Variants in KIF16B observed in about 807,000 individuals in gnomAD.
KIF16B encodes the protein kinesin family member 16B.
Under a neutral mutation model 156.3 loss-of-function variants are expected in KIF16B, and 98 were observed. That is an observed-to-expected ratio of 0.63 (90% confidence interval 0.53 to 0.74). KIF16B has a LOEUF of 0.74. KIF16B is among the 30% of genes least tolerant of loss of function. The pLI, the probability that KIF16B is intolerant of heterozygous loss-of-function variation, is 0.00. For missense variants in KIF16B, 1,421 were observed against 1,606.5 expected (o/e 0.88, Z 1.97); for synonymous variants, 564 against 583.7 (o/e 0.97, Z 0.49).
At chr20:16,381,345 T>A (rs2065088781) in intron 18 of KIF16B, among the ~76,000 whole-genome samples, 1 of 152,166 alleles carries the variant, frequency 6.6e-6, no homozygotes, top group African/African-American at 2.4e-5. Flanking sequence ...TCAGGCTTTT[T>A]AAAAACTCAG....
At chr20:16,371,228 A>G (rs999208787) in intron 21 of KIF16B, among the ~76,000 whole-genome samples, 1 of 152,148 alleles carries the variant, frequency 6.6e-6, no homozygotes, top group Non-Finnish European at 1.5e-5. Flanking sequence ...CCACATCTGA[A>G]TTTTCTCACT....
intron 3 of KIF16B, among the ~76,000 whole-genome samples, chr20:16,520,605 C>G (rs910646225): frequency 1.3e-5 from 2 of 152,208 alleles, no homozygotes; most frequent in African/African-American, 4.8e-5. Context: ...GGCACAGCTT[C>G]GGCAGACTTA....
intron 12 of KIF16B, among the ~76,000 whole-genome samples, chr20:16,465,228 T>A (rs138210021): frequency 0.014 from 2,129 of 152,292 alleles, 42 homozygotes; most frequent in African/African-American, 0.049. Context: ...GTGTATTCTC[T>A]GCCTCAAGAT....
chr20:16,425,701 C>T (rs572233838), intron 15 of KIF16B, among the ~76,000 whole-genome samples: 54 of 152,182 alleles, frequency 3.5e-4, no homozygotes, highest in African/African-American at 1.0e-3. Flanking sequence ...TCATCAGTCA[C>T]GGGACAAATG....
chr20:16,427,268 A>C (rs986899918), intron 14 of KIF16B, 27 bp from the exon 15 acceptor site: 2 of 1,592,994 alleles, frequency 1.3e-6, no homozygotes, highest in Non-Finnish European at 1.7e-6. Flanking sequence ...AAGTAGAAAG[A>C]ATTTTTCCCC....
At chr20:16,355,725 T>C (rs2064427058) in intron 23 of KIF16B, among the ~76,000 whole-genome samples, 1 of 152,138 alleles carries the variant, frequency 6.6e-6, no homozygotes, top group Non-Finnish European at 1.5e-5. Context: ...AACCATGACG[T>C]AAGGAAACAG....
At chr20:16,515,494 A>C (rs2147081680) in intron 4 of KIF16B, 54 bp downstream of exon 4, 7 of 897,320 alleles carry the variant, frequency 7.8e-6, no homozygotes, top group South Asian at 4.1e-5. Context: ...TCATTCTACC[A>C]GTCCAGAGAA....
At chr20:16,334,662 G>C (rs2064004096) in intron 24 of KIF16B, among the ~76,000 whole-genome samples, 1 of 152,164 alleles carries the variant, frequency 6.6e-6, no homozygotes, top group African/African-American at 2.4e-5. Context: ...CTCACAAACA[G>C]CTTGATGGTA....
chr20:16,386,481 T>G (rs1279524020), intron 17 of KIF16B, among the ~76,000 whole-genome samples: 1 of 151,504 alleles, frequency 6.6e-6, no homozygotes, highest in African/African-American at 2.4e-5. Context: ...GATGAGTGAG[T>G]GAGAGGAACC....
At chr20:16,417,670 T>C (rs1277158561) in intron 15 of KIF16B, among the ~76,000 whole-genome samples, 2 of 151,920 alleles carry the variant, frequency 1.3e-5, no homozygotes, top group African/African-American at 4.8e-5. Flanking sequence ...AATAAAAATT[T>C]CAACAAAGAT....
chr20:16,355,218 C>G (rs56293646), intron 23 of KIF16B, among the ~76,000 whole-genome samples: 2 of 152,118 alleles, frequency 1.3e-5, no homozygotes, highest in Non-Finnish European at 2.9e-5. Flanking sequence ...GCAGGGGAGA[C>G]GGCTGGCTCT....
intron 11 of KIF16B, 43 bp from the exon 12 acceptor site, chr20:16,494,393 G>A (rs775927715): frequency 3.1e-6 from 4 of 1,299,994 alleles, no homozygotes; most frequent in Non-Finnish European, 3.3e-6. Flanking sequence ...CATAAAGAAA[G>A]TTTATAATTT....
At chr20:16,474,875 T>G (rs2067766777) in intron 12 of KIF16B, among the ~76,000 whole-genome samples, 1 of 152,220 alleles carries the variant, frequency 6.6e-6, no homozygotes, top group African/African-American at 2.4e-5. Flanking sequence ...TGCAGCCAAA[T>G]GCACTCCCTG....
chr20:16,504,284 G>C, intron 10 of KIF16B, 88 bp downstream of exon 10: 1 of 1,302,906 alleles, frequency 7.7e-7, no homozygotes, highest in Non-Finnish European at 1.1e-6. Context: ...CAAATCAATA[G>C]CATGAGTGAG....
At chr20:16,389,623 C>A (rs971718920) in intron 17 of KIF16B, among the ~76,000 whole-genome samples, 2 of 152,220 alleles carry the variant, frequency 1.3e-5, no homozygotes, top group Non-Finnish European at 2.9e-5. Context: ...GAGCAAATCC[C>A]ATGGAGACTA....
At position 16,297,564 on chromosome 20, in the gene KIF16B, C is replaced by T. The variant is rs545315512; in HGVS notation, c.3795+14771G>A. On this transcript the variant is annotated intron_variant, in intron 25 of 25. Transcript: ENST00000354981. ...GCAAAAAATTAGCTGGGCGTGGTGG[C>T]GGGCACCTGTAGTCCCAGCTTCTTG... 1.7e-4 allele frequency among the ~76,000 whole-genome samples: 26 copies of T among 151,994 alleles called. 1 individual carries two copies. The highest frequency in any genetic ancestry group is 1.1e-3 in the Admixed American group (17 of 15,278).
chr20:16,508,053 T>A lies in KIF16B; in HGVS notation c.604A>T (p.Met202Leu), dbSNP rs1280150191. The A allele has an allele frequency of 5.0e-6, 8 of 1,614,016 alleles. No homozygotes were observed. The highest frequency in any genetic ancestry group is 8.5e-7 in the Non-Finnish European group (1 of 1,180,004). Reference protein sequence around the residue: ...VQNYGDVEELMDAGNINRTTA... With the variant: ...VQNYGDVEELLDAGNINRTTA... Reference sequence around the variant, plus strand: ...GTCCGGTTGATATTGCCCGCATCCATAAGTTCTTCTACGTCACCATAATTC... The same window carrying A: ...GTCCGGTTGATATTGCCCGCATCCAAAAGTTCTTCTACGTCACCATAATTC... The change falls in exon 7 of 26, where the codon ATG becomes TTG. Residue 202 changes from methionine (M) to leucine (L), a missense_variant. Physicochemically the swap from Met to Leu is conservative, Grantham distance 15. Transcript: ENST00000354981.
intron 15 of KIF16B, among the ~76,000 whole-genome samples, chr20:16,410,390 G>C (rs2065924671): frequency 6.6e-6 from 1 of 150,730 alleles, no homozygotes; most frequent in African/African-American, 2.4e-5. Context: ...CACATATACA[G>C]GTTGACTATC....
At chr20:16,476,976 T>C (rs150605160) in intron 12 of KIF16B, among the ~76,000 whole-genome samples, 2,787 of 152,058 alleles carry the variant, frequency 0.018, 101 homozygotes, top group African/African-American at 0.064. Flanking sequence ...CTCGATCTCC[T>C]GACCTCATAA....
Sources: gnomAD v4.1 joint callset for allele counts (sites outside exome capture counted in the v4.1 genomes callset) on GRCh38, gnomAD v4.1.1 for gene constraint, MANE v1.5 for transcripts, NCBI Gene and HGNC (gene_info 2026-07-23, HGNC 2026-07-21) for gene names.